The following INPP4B variants were observed in gnomAD, a reference collection of about 807,000 sequenced individuals.
INPP4B encodes inositol polyphosphate 4-phosphatase type II.
A neutral mutation model predicts 122.5 loss-of-function variants in INPP4B; 55 were observed. The ratio of observed to expected loss-of-function variants is 0.45; its 90% CI spans 0.36 to 0.56. The LOEUF (loss-of-function observed/expected upper bound fraction) is 0.56. Among genes scored for constraint, INPP4B ranks in the 20% least tolerant of loss-of-function variants. The pLI, the probability that INPP4B is intolerant of heterozygous loss-of-function variation, is 0.00. For missense variants in INPP4B, 1,000 were observed against 1,097.7 expected (o/e 0.91, Z 1.26); for synonymous variants, 403 against 388.7 (o/e 1.04, Z -0.43).
chr4:142,110,691 T>C (rs944479193), intron 22 of INPP4B, among the ~76,000 whole-genome samples: 3 of 152,118 alleles, frequency 2.0e-5, no homozygotes, highest in African/African-American at 7.2e-5. Flanking sequence ...TCCAGTCTTG[T>C]GTGTCTTGTA....
At chr4:142,180,540 T>C (rs1830317890) in intron 15 of INPP4B, among the ~76,000 whole-genome samples, 1 of 152,200 alleles carries the variant, frequency 6.6e-6, no homozygotes, top group Non-Finnish European at 1.5e-5. Flanking sequence ...TCAGGGATTA[T>C]ATTATTTAAT....
chr4:142,540,332 G>GT (rs111681875), intron 2 of INPP4B, among the ~76,000 whole-genome samples: 5,397 of 145,876 alleles, frequency 0.037, 319 homozygotes, highest in African/African-American at 0.13. Flanking sequence ...GTTTTTTGGG[G>GT]TTTTTTTTTT....
intron 1 of INPP4B, among the ~76,000 whole-genome samples, chr4:142,803,120 C>T (rs1480916410): frequency 2.1e-5 from 3 of 145,040 alleles, no homozygotes; most frequent in South Asian, 2.2e-4. Flanking sequence ...TGCCGTAAGC[C>T]GAAATTGCAC....
At chr4:142,208,224 T>C (rs1843355871) in intron 14 of INPP4B, among the ~76,000 whole-genome samples, 1 of 152,164 alleles carries the variant, frequency 6.6e-6, no homozygotes, top group South Asian at 2.1e-4. Flanking sequence ...AGGTGAAACA[T>C]TCATAAAGTA....
At chr4:142,787,076 A>G (rs1561068705) in intron 1 of INPP4B, among the ~76,000 whole-genome samples, 1 of 152,178 alleles carries the variant, frequency 6.6e-6, no homozygotes, top group Admixed American at 6.6e-5. Context: ...AACTGTGTGC[A>G]TGGGATATGT....
intron 2 of INPP4B, among the ~76,000 whole-genome samples, chr4:142,721,067 A>G (rs1303669762): frequency 6.6e-6 from 1 of 151,198 alleles, no homozygotes; most frequent in Non-Finnish European, 1.5e-5. Flanking sequence ...CAATGATGTG[A>G]TTCTCCTTCC....
chr4:142,824,314 ATCTATCTCTATC>A (rs151098085), intron 1 of INPP4B, among the ~76,000 whole-genome samples: 1 of 150,624 alleles, frequency 6.6e-6, no homozygotes, highest in Non-Finnish European at 1.5e-5. Flanking sequence ...CTGTCTATCT[ATCTATCTCTATC>A]TCTATCTCTA....
At chr4:142,403,539 T>C (rs937986648) in intron 6 of INPP4B, among the ~76,000 whole-genome samples, 5 of 152,152 alleles carry the variant, frequency 3.3e-5, no homozygotes, top group Non-Finnish European at 5.9e-5. Context: ...TGTTCAGCTA[T>C]GATTTTTTTT....
chr4:142,026,068 A>G lies in INPP4B; in HGVS notation c.*2714T>C, dbSNP rs1364957911. ...GGAACATATTATTTTTGAGCAAAAA[A>G]AGAGTTTGGAAATGTCATTTGCTCA... On this transcript the variant is annotated 3_prime_UTR_variant, in exon 26 of 26. Coordinates refer to ENST00000262992, the MANE Select transcript of INPP4B (RefSeq NM_001101669.3). 1 of 152,194 alleles carries G rather than the reference A, an allele frequency of 6.6e-6. No homozygotes were observed. Among genetic ancestry groups the G allele is most frequent in the Non-Finnish European group, 1.5e-5 (1 of 68,034 alleles). 9.4% of individuals were successfully genotyped at this position (152,194 alleles called of 1,614,324 possible).
At chr4:142,778,846 T>C (rs562865733) in intron 1 of INPP4B, among the ~76,000 whole-genome samples, 2 of 152,166 alleles carry the variant, frequency 1.3e-5, no homozygotes, top group African/African-American at 2.4e-5. Flanking sequence ...TTTTAATGAC[T>C]TGTGATTTCC....
intron 2 of INPP4B, among the ~76,000 whole-genome samples, chr4:142,703,615 G>A (rs1251134818): frequency 6.6e-6 from 1 of 152,146 alleles, no homozygotes; most frequent in Non-Finnish European, 1.5e-5. Context: ...TAAAAAGCTT[G>A]TTTTCTCTGG....
Position 142,364,083 on chromosome 4 carries a change from C to T in INPP4B, c.372+38855G>A, listed in dbSNP as rs78925961. Among the ~76,000 whole-genome samples, 10 of 152,100 alleles carry T rather than the reference C, an allele frequency of 6.6e-5. No individual in the cohort carries two copies. The East Asian group carries it at 1.9e-3, about 30-fold the overall frequency. ...GTTACTTCATTATTTTCCTTTCTAA[C>T]ATCTCTCTCTGGTATTTCTGTGCTT... On this transcript the variant is annotated intron_variant, in intron 7 of 25. Coordinates refer to ENST00000262992, the MANE Select transcript of INPP4B (RefSeq NM_001101669.3).
At chr4:142,269,433 C>T (rs1744675018) in intron 10 of INPP4B, among the ~76,000 whole-genome samples, 1 of 152,102 alleles carries the variant, frequency 6.6e-6, no homozygotes, top group African/African-American at 2.4e-5. Context: ...GCAGCCTCAA[C>T]CTTGGCAAAA....
chr4:142,373,002 A>C (rs1265073670), intron 7 of INPP4B, among the ~76,000 whole-genome samples: 2 of 152,060 alleles, frequency 1.3e-5, no homozygotes, highest in Non-Finnish European at 2.9e-5. Flanking sequence ...CATGTAGTGC[A>C]CTTCTCTTCT....
intron 3 of INPP4B, among the ~76,000 whole-genome samples, chr4:142,441,422 C>A (rs1385453315): frequency 1.3e-5 from 2 of 152,006 alleles, no homozygotes; most frequent in South Asian, 2.1e-4. Flanking sequence ...AAGCCACTAA[C>A]CTATCAGGAG....
intron 17 of INPP4B, among the ~76,000 whole-genome samples, chr4:142,146,448 T>G (rs539673252): frequency 6.6e-6 from 1 of 152,254 alleles, no homozygotes; most frequent in East Asian, 1.9e-4. Flanking sequence ...TTAAGTATAT[T>G]CACATTGTCA....
chr4:142,693,780 A>G (rs1489772570), intron 2 of INPP4B, among the ~76,000 whole-genome samples: 1 of 152,162 alleles, frequency 6.6e-6, no homozygotes, highest in Non-Finnish European at 1.5e-5. Flanking sequence ...ATGTTGTTTT[A>G]TCTTAGCTGT....
At chr4:142,707,633 T>C (rs140975608) in intron 2 of INPP4B, among the ~76,000 whole-genome samples, 2 of 152,354 alleles carry the variant, frequency 1.3e-5, no homozygotes, top group African/African-American at 2.4e-5. Flanking sequence ...CCTTCTGCCA[T>C]GATTGTAAGT....
At chr4:142,623,653 C>T (rs964892264) in intron 2 of INPP4B, among the ~76,000 whole-genome samples, 28 of 151,756 alleles carry the variant, frequency 1.8e-4, no homozygotes, top group African/African-American at 6.5e-4. Context: ...GTGCCATGCT[C>T]GTGTGCTGCA....
Sources: allele counts gnomAD v4.1 joint callset (sites outside exome capture counted in the v4.1 genomes callset), GRCh38; gene constraint gnomAD v4.1.1; transcripts MANE v1.5; gene names NCBI Gene and HGNC (gene_info 2026-07-23, HGNC 2026-07-21).